The following GRM3 variants were observed in gnomAD, a reference collection of about 807,000 sequenced individuals.
The protein encoded by GRM3 is glutamate metabotropic receptor 3, also known as metabotropic glutamate receptor 3.
A neutral mutation model predicts 70.5 loss-of-function variants in GRM3; 26 were observed. The observed-to-expected ratio is 0.37, with a 90% CI of 0.27 to 0.51. GRM3 has a LOEUF of 0.51. Among genes scored for constraint, GRM3 ranks in the 20% least tolerant of loss-of-function variants. The pLI is 0.93. For missense variants in GRM3, 859 were observed against 1,123.8 expected (o/e 0.76, Z 3.37); for synonymous variants, 443 against 434.9 (o/e 1.02, Z -0.23).
intron 1 of GRM3, among the ~76,000 whole-genome samples, chr7:86,709,104 TG>T (rs1795132972): frequency 6.6e-6 from 1 of 152,150 alleles, no homozygotes. Context: ...GATTTCCCTA[TG>T]TGCCCTTGTT....
rs554737866 is a variant in GRM3 at position 86,682,663 on chromosome 7, G to C, written c.-141+37791G>C. 2.6e-5 allele frequency among the ~76,000 whole-genome samples: 4 copies of C among 152,232 alleles called. No individual in the cohort carries two copies. The East Asian group carries it at 5.8e-4, about 22-fold the overall frequency. On this transcript the variant is annotated intron_variant, in intron 1 of 5. Coordinates refer to ENST00000361669, the MANE Select transcript of GRM3 (RefSeq NM_000840.3). ...TTACCAATTTCAATTTTCACATTAA[G>C]AGAGGTGAATTATTTCTTCTCAGCC... is the stretch of plus-strand genomic sequence containing the variant.
At chr7:86,668,853 C>G (rs990267093) in intron 1 of GRM3, among the ~76,000 whole-genome samples, 1 of 152,126 alleles carries the variant, frequency 6.6e-6, no homozygotes, top group African/African-American at 2.4e-5. Context: ...GGAAGTATAT[C>G]TTCTGGGAAC....
At chr7:86,691,569 T>C (rs1372123920) in intron 1 of GRM3, among the ~76,000 whole-genome samples, 1 of 152,186 alleles carries the variant, frequency 6.6e-6, no homozygotes, top group Non-Finnish European at 1.5e-5. Flanking sequence ...CCTCAAAACA[T>C]GTTTTGGAAA....
At chr7:86,683,316 G>A (rs1182996632) in intron 1 of GRM3, among the ~76,000 whole-genome samples, 1 of 152,194 alleles carries the variant, frequency 6.6e-6, no homozygotes, top group Admixed American at 6.5e-5. Context: ...AGGAAGAGCT[G>A]AGAGTCTGGA....
At chr7:86,734,875 T>C (rs1795819600) in intron 1 of GRM3, among the ~76,000 whole-genome samples, 1 of 152,206 alleles carries the variant, frequency 6.6e-6, no homozygotes, top group South Asian at 2.1e-4. Context: ...TTTTCTTTTA[T>C]ACACGCACCC....
chr7:86,763,694 C>G (rs1245294485), intron 1 of GRM3, among the ~76,000 whole-genome samples: 1 of 152,116 alleles, frequency 6.6e-6, no homozygotes, highest in Non-Finnish European at 1.5e-5. Context: ...CATTGCACTA[C>G]CTGAGATGTG....
intron 1 of GRM3, among the ~76,000 whole-genome samples, chr7:86,697,437 C>A (rs182434315): frequency 2.6e-5 from 4 of 152,082 alleles, no homozygotes; most frequent in African/African-American, 9.7e-5. Flanking sequence ...AGACACTTAA[C>A]TGTCAGGGAG....
At chr7:86,850,283 C>T (rs934034575) in intron 4 of GRM3, 87 bp from the exon 5 acceptor site, 5 of 836,338 alleles carry the variant, frequency 6.0e-6, no homozygotes, top group South Asian at 1.5e-5. Flanking sequence ...CTGGATTTTT[C>T]ATTTTGGTCT....
At chr7:86,723,046 C>T (rs984725272) in intron 1 of GRM3, among the ~76,000 whole-genome samples, 52 of 151,972 alleles carry the variant, frequency 3.4e-4, no homozygotes, top group African/African-American at 1.2e-3. Flanking sequence ...TAATATTACT[C>T]ATACTATGGA....
chr7:86,717,881 G>A (rs1037923823), intron 1 of GRM3, among the ~76,000 whole-genome samples: 7 of 151,828 alleles, frequency 4.6e-5, no homozygotes, highest in Non-Finnish European at 1.0e-4. Context: ...AAAAGTCATT[G>A]TGAAACATTG....
intron 1 of GRM3, among the ~76,000 whole-genome samples, chr7:86,668,762 C>T (rs540556640): frequency 6.6e-6 from 1 of 152,234 alleles, no homozygotes; most frequent in East Asian, 1.9e-4. Flanking sequence ...CATGCATAGA[C>T]TGTCTACCCA....
At chr7:86,835,565 A>G (rs773027746) in intron 3 of GRM3, among the ~76,000 whole-genome samples, 1 of 152,256 alleles carries the variant, frequency 6.6e-6, no homozygotes, top group Non-Finnish European at 1.5e-5. Context: ...CAACATATAT[A>G]TATACATATA....
At position 86,766,713 on chromosome 7, in the gene GRM3, G is replaced by T. The variant is rs530841697; in HGVS notation, c.468+1100G>T. Reference sequence around the variant, plus strand: ...TTAAGTTTAGTATTTTTTCTGATTAGAGCATTAATGTCACAGTAATAAAAG... The same window carrying T: ...TTAAGTTTAGTATTTTTTCTGATTATAGCATTAATGTCACAGTAATAAAAG... On this transcript the variant is annotated intron_variant, in intron 2 of 5. Coordinates refer to ENST00000361669, the MANE Select transcript of GRM3 (RefSeq NM_000840.3). 7.0e-4 allele frequency among the ~76,000 whole-genome samples: 106 copies of T among 152,136 alleles called. 1 individual carries two copies. Among genetic ancestry groups the T allele is most frequent in the African/African-American group, 2.6e-3 (106 of 41,510 alleles).
chr7:86,833,041 T>C (rs749159700), intron 3 of GRM3: 8 of 981,316 alleles, frequency 8.2e-6, no homozygotes, highest in Admixed American at 1.2e-4. Context: ...TTTCATGCTG[T>C]TGCAACACCA....
At chr7:86,725,709 G>A (rs1795576936) in intron 1 of GRM3, among the ~76,000 whole-genome samples, 1 of 152,070 alleles carries the variant, frequency 6.6e-6, no homozygotes, top group African/African-American at 2.4e-5. Flanking sequence ...GTTGGCTTGG[G>A]CTGCTGTATT....
chr7:86,747,852 T>G (rs762124715), intron 1 of GRM3, among the ~76,000 whole-genome samples: 1 of 152,126 alleles, frequency 6.6e-6, no homozygotes, highest in Admixed American at 6.6e-5. Flanking sequence ...AGGATGTAAT[T>G]TGAAGCAGCT....
At chr7:86,711,047 C>T (rs1795187668) in intron 1 of GRM3, among the ~76,000 whole-genome samples, 1 of 151,976 alleles carries the variant, frequency 6.6e-6, no homozygotes, top group East Asian at 1.9e-4. Flanking sequence ...CATGTAGTAG[C>T]TGTGTGGCCT....
intron 5 of GRM3, among the ~76,000 whole-genome samples, chr7:86,863,090 G>A (rs1238608551): frequency 1.3e-5 from 2 of 152,128 alleles, no homozygotes. Context: ...GATCTTAAAT[G>A]TAATGGAACA....
intron 1 of GRM3, among the ~76,000 whole-genome samples, chr7:86,662,891 A>G (rs371815039): frequency 4.7e-4 from 71 of 151,086 alleles, no homozygotes; most frequent in Admixed American, 9.9e-4. Context: ...GAACTTCTCC[A>G]TTTAGATTTT....
Sources: allele counts gnomAD v4.1 joint callset (sites outside exome capture counted in the v4.1 genomes callset), GRCh38; gene constraint gnomAD v4.1.1; transcripts MANE v1.5; gene names NCBI Gene and HGNC (gene_info 2026-07-23, HGNC 2026-07-21).